The following ADAMTS6 variants were observed in gnomAD, a reference collection of about 807,000 sequenced individuals.
ADAMTS6 encodes A disintegrin and metalloproteinase with thrombospondin motifs 6.
Under a neutral mutation model 144.3 loss-of-function variants are expected in ADAMTS6, and 23 were observed. That is an observed-to-expected ratio of 0.16 (90% CI 0.11 to 0.23). The LOEUF is 0.23. Among genes scored for constraint, ADAMTS6 ranks in the 10% least tolerant of loss-of-function variants. ADAMTS6 has a pLI of 1.00. For missense variants in ADAMTS6, 999 were observed against 1,379.6 expected, an observed-to-expected ratio of 0.72 and a Z score of 4.37; for synonymous variants, 444 against 457.5, an observed-to-expected ratio of 0.97 and a Z score of 0.38.
At chr5:65,403,586 T>C (rs1580617491) in intron 7 of ADAMTS6, among the ~76,000 whole-genome samples, 1 of 152,280 alleles carries the variant, frequency 6.6e-6, no homozygotes, top group African/African-American at 2.4e-5. Context: ...CTTTCTCTCA[T>C]ACTCTTATAC....
intron 18 of ADAMTS6, among the ~76,000 whole-genome samples, chr5:65,216,477 T>C (rs1348466485): frequency 1.3e-5 from 2 of 152,168 alleles, no homozygotes; most frequent in East Asian, 3.9e-4. Context: ...TGGGTTTTTT[T>C]CTGGGGTGAT....
intron 1 of ADAMTS6, among the ~76,000 whole-genome samples, chr5:65,474,760 G>A (rs1245011403): frequency 1.3e-5 from 1 of 79,102 alleles, no homozygotes; most frequent in Non-Finnish European, 2.5e-5. Flanking sequence ...AAATAACTAA[G>A]AGCTAAAAAC....
intron 7 of ADAMTS6, among the ~76,000 whole-genome samples, chr5:65,361,416 G>T (rs1278173443): frequency 1.3e-5 from 2 of 152,132 alleles, no homozygotes; most frequent in Admixed American, 1.3e-4. Flanking sequence ...TCAAAGTTCA[G>T]TACCAATACC....
intron 20 of ADAMTS6, 32 bp from the exon 21 acceptor site, chr5:65,197,183 A>G (rs377530816): frequency 2.1e-4 from 330 of 1,609,402 alleles, no homozygotes; most frequent in Non-Finnish European, 2.7e-4. Context: ...TTAATTGAAG[A>G]GAAGTTTACC....
At chr5:65,222,442 T>G (rs759643055) in intron 18 of ADAMTS6, among the ~76,000 whole-genome samples, 1 of 152,198 alleles carries the variant, frequency 6.6e-6, no homozygotes, top group Non-Finnish European at 1.5e-5. Flanking sequence ...ACTTTATACC[T>G]TATATAAAAA....
intron 24 of ADAMTS6, among the ~76,000 whole-genome samples, chr5:65,169,117 A>T (rs1227179859): frequency 7.4e-5 from 3 of 40,698 alleles, no homozygotes; most frequent in Non-Finnish European, 1.4e-4. Context: ...CATGGGAGAA[A>T]ATTTTCGCAA....
Position 65,249,263 on chromosome 5 carries a change from G to A in ADAMTS6, c.1831-7057C>T, listed in dbSNP as rs1759933472. 2.0e-5 allele frequency among the ~76,000 whole-genome samples: 3 copies of A among 152,022 alleles called. No homozygotes were observed. In the South Asian group the frequency reaches 6.2e-4, roughly 32 times the overall value. On this transcript the variant is annotated intron_variant, in intron 14 of 24. Transcript: ENST00000381055. ...CGTGCTGGGGAGAAGCAACTTCCTG[G>A]GCATGCACATTAAGAGACAAAATGG... is the stretch of plus-strand genomic sequence containing the variant.
chr5:65,149,919 G>A lies in ADAMTS6; in HGVS notation c.*1917C>T, dbSNP rs576743355. On this transcript the variant is annotated 3_prime_UTR_variant, in exon 25 of 25. Coordinates refer to ENST00000381055, the MANE Select transcript of ADAMTS6 (RefSeq NM_197941.4). ...GGTGATTCCTCTTGTATCATCAATA[G>A]CTCTCTCTGGAAGGCTCAGGGTTGA... 1 of 152,644 alleles carries A rather than the reference G, an allele frequency of 6.6e-6. No homozygotes were observed. The highest frequency in any genetic ancestry group is 1.9e-4 in the East Asian group (1 of 5,184). The allele number at this position is 152,644 out of a possible 1,614,324, so 9.5% of individuals were successfully genotyped here.
rs1760621549 is a variant in ADAMTS6 at position 65,473,469 on chromosome 5, T to A, written c.97+108A>T. On this transcript the variant is annotated intron_variant, in intron 2 of 24. Coordinates refer to ENST00000381055, the MANE Select transcript of ADAMTS6 (RefSeq NM_197941.4). ...TTGACACAGTAGGCCTCTATTCCTA[T>A]CACTACATATCCCAAAAAAAACTAT... is the stretch of plus-strand genomic sequence containing the variant. The A allele has an allele frequency of 4.5e-6, 4 of 892,004 alleles. No homozygotes were observed. The South Asian group carries it at 6.4e-5, about 14-fold the overall frequency. 55.3% of individuals were successfully genotyped at this position (892,004 alleles called of 1,614,324 possible). A position where few individuals can be genotyped will look rare whatever the true frequency, so the allele number is the denominator to read the frequency against.
At chr5:65,470,684 A>G in intron 3 of ADAMTS6, 94 bp downstream of exon 3, 5 of 1,013,616 alleles carry the variant, frequency 4.9e-6, no homozygotes, top group Non-Finnish European at 3.9e-6. Context: ...CTACCTATAT[A>G]TATATATATT....
intron 11 of ADAMTS6, among the ~76,000 whole-genome samples, chr5:65,290,271 CCAGGCG>C (rs1742168064): frequency 6.6e-6 from 1 of 152,236 alleles, no homozygotes; most frequent in Admixed American, 6.5e-5. Flanking sequence ...AGAAATCAGG[CCAGGCG>C]CAGTGGCTCA....
chr5:65,467,051 AAG>A (rs1491381617), intron 3 of ADAMTS6, among the ~76,000 whole-genome samples: 55 of 152,108 alleles, frequency 3.6e-4, no homozygotes, highest in Non-Finnish European at 6.0e-4. Context: ...AAAAAAAAAA[AAG>A]GACAGAATGT....
intron 9 of ADAMTS6, among the ~76,000 whole-genome samples, chr5:65,328,348 G>A (rs543476123): frequency 6.6e-6 from 1 of 151,748 alleles, no homozygotes; most frequent in Non-Finnish European, 1.5e-5. Context: ...TATCTATGAC[G>A]CCACCAAAAA....
At chr5:65,428,932 A>T (rs1342876668) in intron 7 of ADAMTS6, among the ~76,000 whole-genome samples, 5 of 152,240 alleles carry the variant, frequency 3.3e-5, no homozygotes, top group African/African-American at 1.2e-4. Context: ...AATTGAAAAT[A>T]AATTTACATT....
chr5:65,297,055 T>C (rs1054676659), intron 10 of ADAMTS6: 4 of 359,032 alleles, frequency 1.1e-5, no homozygotes, highest in South Asian at 4.4e-5. Flanking sequence ...CCTTTCTCTA[T>C]AGTCTAAATA....
At chr5:65,371,235 C>G (rs1750873757) in intron 7 of ADAMTS6, among the ~76,000 whole-genome samples, 1 of 152,240 alleles carries the variant, frequency 6.6e-6, no homozygotes, top group East Asian at 1.9e-4. Context: ...CAAAGGAATG[C>G]AGTTCCTCAC....
chr5:65,219,418 T>A (rs564950830), intron 18 of ADAMTS6, among the ~76,000 whole-genome samples: 5 of 152,068 alleles, frequency 3.3e-5, no homozygotes, highest in Admixed American at 3.3e-4. Flanking sequence ...TTATAAGAAA[T>A]CAAGATTAAA....
intron 6 of ADAMTS6, 98 bp from the exon 7 acceptor site, chr5:65,451,718 G>A: frequency 7.2e-7 from 1 of 1,387,516 alleles, no homozygotes; most frequent in South Asian, 1.3e-5. Flanking sequence ...ATTAGAAGCA[G>A]TGTTTCTAGG....
At chr5:65,262,988 A>T (rs757237940) in intron 12 of ADAMTS6, 26 bp from the exon 13 acceptor site, 1 of 1,613,482 alleles carries the variant, frequency 6.2e-7, no homozygotes, top group Non-Finnish European at 8.5e-7. Flanking sequence ...GAAAACACAG[A>T]ATTAGCTTTT....
Sources: gnomAD v4.1 joint callset for allele counts (sites outside exome capture counted in the v4.1 genomes callset) on GRCh38, gnomAD v4.1.1 for gene constraint, MANE v1.5 for transcripts, NCBI Gene and HGNC (gene_info 2026-07-23, HGNC 2026-07-21) for gene names.